CRACD: variants seen among roughly 807,000 people sequenced by gnomAD.
CRACD encodes the protein capping protein-inhibiting regulator of actin dynamics.
CRACD carries 56 observed loss-of-function variants against 106.8 expected under a neutral mutation model. The ratio of observed to expected loss-of-function variants is 0.52; its 90% CI spans 0.42 to 0.66. The LOEUF (loss-of-function observed/expected upper bound fraction) is 0.66. CRACD is among the 30% of genes least tolerant of loss of function. The pLI is 0.00. For synonymous variants in CRACD, 754 were observed against 670.8 expected (o/e 1.12, Z -1.92); for missense variants, 1,730 against 1,623.2 (o/e 1.07, Z -1.13).
At chr4:56,178,497 A>G (rs1430633878) in intron 1 of CRACD, among the ~76,000 whole-genome samples, 1 of 152,174 alleles carries the variant, frequency 6.6e-6, no homozygotes, top group African/African-American at 2.4e-5. Context: ...CAGATTTTAA[A>G]AATAACTTTT....
intron 2 of CRACD, among the ~76,000 whole-genome samples, chr4:56,188,938 G>T (rs1408447296): frequency 6.6e-6 from 1 of 152,092 alleles, no homozygotes; most frequent in Non-Finnish European, 1.5e-5. Flanking sequence ...TCGGAAGGCC[G>T]AAGCGGGTGG....
In CRACD at chr4:56,316,049, G is replaced by A. The variant is rs1161015830; in HGVS notation, c.2547G>A (p.Leu849=). The part of the protein sequence containing the change: ...EEKASPFGIK[L]RRTNYSLRFN... ...AAGCCTCACCGTTTGGAATAAAATT[G>A]AGAAGGACCAACTATTCCTTGCGCT... is the stretch of plus-strand genomic sequence containing the variant. The change falls in exon 8 of 11, where the codon TTG becomes TTA. Residue 849 remains leucine, a synonymous_variant. Transcript: ENST00000682029. The A allele has an allele frequency of 6.2e-7, 1 of 1,614,222 alleles. No individual in the cohort carries two copies. The highest frequency in any genetic ancestry group is 1.7e-5 in the Admixed American group (1 of 60,036).
At chr4:56,286,778 G>A (rs1171460219) in intron 3 of CRACD, among the ~76,000 whole-genome samples, 1 of 152,072 alleles carries the variant, frequency 6.6e-6, no homozygotes, top group African/African-American at 2.4e-5. Flanking sequence ...CACTGCTGCC[G>A]TGGTCAGGGT....
At chr4:56,176,863 T>C (rs1736605200) in intron 1 of CRACD, among the ~76,000 whole-genome samples, 1 of 152,246 alleles carries the variant, frequency 6.6e-6, no homozygotes, top group African/African-American at 2.4e-5. Context: ...CTTTTCCAGA[T>C]TGTTAACTGT....
chr4:56,138,793 C>G (rs10866432), intron 1 of CRACD, among the ~76,000 whole-genome samples: 1 of 151,996 alleles, frequency 6.6e-6, no homozygotes, highest in Non-Finnish European at 1.5e-5. Context: ...CTTCTAGTTT[C>G]AAACCTTTTG....
At chr4:56,258,162 C>A (rs961802561) in intron 2 of CRACD, among the ~76,000 whole-genome samples, 20 of 152,112 alleles carry the variant, frequency 1.3e-4, no homozygotes, top group Admixed American at 1.3e-3. Context: ...GAAACTTGGC[C>A]TCTACAACTC....
chr4:56,286,394 G>GAAA (rs35666161), intron 3 of CRACD, among the ~76,000 whole-genome samples: 2 of 141,308 alleles, frequency 1.4e-5, no homozygotes, highest in Admixed American at 7.1e-5. Context: ...TTCTGTCTCC[G>GAAA]AAAAAAAAAA....
intron 1 of CRACD, among the ~76,000 whole-genome samples, chr4:56,135,245 A>C (rs1381876012): frequency 6.6e-6 from 1 of 152,196 alleles, no homozygotes; most frequent in Non-Finnish European, 1.5e-5. Context: ...AGATTGTGCC[A>C]CTGCACTCAG....
intron 1 of CRACD, among the ~76,000 whole-genome samples, chr4:56,175,529 T>A (rs80204313): frequency 0.018 from 2,751 of 152,310 alleles, 42 homozygotes; most frequent in Non-Finnish European, 0.026. Context: ...TTTGTGGGTA[T>A]GTAGTTATGA....
intron 5 of CRACD, among the ~76,000 whole-genome samples, chr4:56,309,670 A>T (rs1393567743): frequency 6.6e-6 from 1 of 152,094 alleles, no homozygotes; most frequent in African/African-American, 2.4e-5. Flanking sequence ...CCTGGCCAAT[A>T]TGGTGAAACC....
intron 1 of CRACD, among the ~76,000 whole-genome samples, chr4:56,153,957 C>A (rs946788735): frequency 6.6e-6 from 1 of 152,186 alleles, no homozygotes; most frequent in Admixed American, 6.5e-5. Context: ...AATCCTGTTT[C>A]TTTTCTTCCT....
chr4:56,072,855 G>C (rs1365406952), intron 1 of CRACD, among the ~76,000 whole-genome samples: 1 of 151,950 alleles, frequency 6.6e-6, no homozygotes, highest in Non-Finnish European at 1.5e-5. Flanking sequence ...AACATGCAGT[G>C]TTTGGTTTTC....
chr4:56,257,658 A>T (rs181800489), intron 2 of CRACD, among the ~76,000 whole-genome samples: 36 of 152,248 alleles, frequency 2.4e-4, no homozygotes, highest in African/African-American at 7.7e-4. Flanking sequence ...TTGTGCTGCC[A>T]CATTCATAAA....
intron 1 of CRACD, among the ~76,000 whole-genome samples, chr4:56,083,340 G>A (rs1577951920): frequency 6.6e-6 from 1 of 152,152 alleles, no homozygotes; most frequent in East Asian, 1.9e-4. Context: ...ATTAGTGACT[G>A]TGCACAATTA....
intron 2 of CRACD, among the ~76,000 whole-genome samples, chr4:56,226,495 A>G (rs1026093639): frequency 1.3e-5 from 2 of 152,196 alleles, no homozygotes; most frequent in African/African-American, 4.8e-5. Context: ...AGTGCAATAA[A>G]TTTCATTATG....
At chr4:56,064,857 C>T (rs911135392) in intron 1 of CRACD, among the ~76,000 whole-genome samples, 4 of 152,250 alleles carry the variant, frequency 2.6e-5, no homozygotes, top group Admixed American at 2.0e-4. Flanking sequence ...TCACCCACAG[C>T]CCCCAAAATA....
intron 2 of CRACD, among the ~76,000 whole-genome samples, chr4:56,232,891 A>AT (rs959806355): frequency 4.7e-5 from 7 of 150,178 alleles, no homozygotes; most frequent in South Asian, 2.1e-4. Flanking sequence ...GGCCCAGCTA[A>AT]TTTTTTTTTG....
chr4:56,056,873 G>C (rs6826903), intron 1 of CRACD, among the ~76,000 whole-genome samples: 47,995 of 152,088 alleles, frequency 0.32, 8,517 homozygotes, highest in African/African-American at 0.48. Context: ...AGGAATTGGA[G>C]ACCAGCCTGG....
chr4:56,217,810 C>T (rs367816156), intron 2 of CRACD, among the ~76,000 whole-genome samples: 9 of 152,310 alleles, frequency 5.9e-5, no homozygotes, highest in South Asian at 2.1e-4. Flanking sequence ...GGAATGCCCT[C>T]GGCCAAGAGG....
Sources: gnomAD v4.1 joint callset for allele counts (sites outside exome capture counted in the v4.1 genomes callset) on GRCh38, gnomAD v4.1.1 for gene constraint, MANE v1.5 for transcripts, NCBI Gene and HGNC (gene_info 2026-07-23, HGNC 2026-07-21) for gene names.